The following TNFAIP3 variants were observed in gnomAD, a reference collection of about 807,000 sequenced individuals.
The protein encoded by TNFAIP3 is TNF alpha induced protein 3, also known as tumor necrosis factor alpha-induced protein 3.
In TNFAIP3, 9 loss-of-function variants were observed where a neutral mutation model predicts 72.4. The observed-to-expected ratio is 0.12, with a 90% CI of 0.07 to 0.22. The LOEUF (loss-of-function observed/expected upper bound fraction) is 0.22. TNFAIP3 is among the 10% of genes least tolerant of loss of function. The probability of loss-of-function intolerance (pLI) is 1.00; values close to 1 mark genes in which losing one functional copy is unlikely to be tolerated. For missense variants in TNFAIP3, 833 were observed against 1,018.7 expected (o/e 0.82, Z 2.48); for synonymous variants, 339 against 372.6 (o/e 0.91, Z 1.04).
chr6:137,873,154 TA>T (rs1173656217), intron 2 of TNFAIP3, among the ~76,000 whole-genome samples: 1 of 152,146 alleles, frequency 6.6e-6, no homozygotes, highest in South Asian at 2.1e-4. Flanking sequence ...CTTAAGATTC[TA>T]AAAAAGGAAG....
At chr6:137,880,025 T>TG (rs1454655094) in intron 7 of TNFAIP3, 46 bp from the exon 8 acceptor site, 1 of 1,573,842 alleles carries the variant, frequency 6.4e-7, no homozygotes, top group African/African-American at 1.4e-5. Context: ...TCTGTATCGG[T>TG]GGGGTGACCC....
rs1440253257 is a variant in TNFAIP3 at position 137,878,705 on chromosome 6, G to T, written c.1260G>T (p.Lys420Asn). ...RRQKNQNKLP[K>N]LNSKPGPEGL... ...AAAAGAATCAAAACAAACTCCCAAA[G>T]CTGAACTCCAAGCCGGGCCCTGAGG... The change falls in exon 7 of 9, where the codon AAG becomes AAT. Residue 420 changes from lysine to asparagine, a missense_variant. Coordinates refer to ENST00000612899, the MANE Select transcript of TNFAIP3 (RefSeq NM_001270508.2). 4 of 1,614,100 alleles carry T rather than the reference G, an allele frequency of 2.5e-6. No homozygotes were observed. Among genetic ancestry groups the T allele is most frequent in the Non-Finnish European group, 3.4e-6 (4 of 1,180,026 alleles).
intron 4 of TNFAIP3, 25 bp downstream of exon 4, chr6:137,875,860 C>T (rs1236162788): frequency 1.2e-6 from 2 of 1,613,890 alleles, no homozygotes; most frequent in East Asian, 2.2e-5. Flanking sequence ...GATCACGGAT[C>T]TGTACTTAAA....
At chr6:137,877,023 A>C in intron 5 of TNFAIP3, 53 bp from the exon 6 acceptor site, 23 of 1,301,044 alleles carry the variant, frequency 1.8e-5, no homozygotes, top group Non-Finnish European at 2.1e-5. Flanking sequence ...CTACTTACCT[A>C]TGGCCTTGTT....
rs772273315 is a variant in TNFAIP3, at chr6:137,878,921, C to T, written c.1476C>T (p.Asn492=). 9.9e-6 allele frequency: 16 copies of T among 1,614,096 alleles called. No individual in the cohort carries two copies. Among genetic ancestry groups the T allele is most frequent in the Non-Finnish European group, 1.2e-5 (14 of 1,180,032 alleles). ...GCPFTLNVQH[N]GFCERCHNAR... ...CCTTCACACTGAATGTGCAGCACAACGGATTTTGTGAACGTTGCCACAACG... is the reference window on the plus strand; with the variant it reads ...CCTTCACACTGAATGTGCAGCACAATGGATTTTGTGAACGTTGCCACAACG... Residue 492 remains asparagine, a synonymous_variant, in exon 7 of 9, where the codon AAC becomes AAT. Transcript: ENST00000612899.
chr6:137,869,464 C>G (rs1334913625), intron 1 of TNFAIP3, among the ~76,000 whole-genome samples: 1 of 152,110 alleles, frequency 6.6e-6, no homozygotes, highest in Non-Finnish European at 1.5e-5. Context: ...TTATTTTTAT[C>G]CTGCTATGAT....
Position 137,880,139 on chromosome 6 carries a change from G to C in TNFAIP3, c.1975G>C (p.Gly659Arg). The C allele has an allele frequency of 6.2e-7, 1 of 1,614,136 alleles. No homozygotes were observed. Among genetic ancestry groups the C allele is most frequent in the Non-Finnish European group, 8.5e-7 (1 of 1,180,026 alleles). The change falls in exon 8 of 9, where the codon GGG becomes CGG. Residue 659 changes from glycine to arginine, a missense_variant. Physicochemically the swap from Gly to Arg is moderately radical, Grantham distance 125. Coordinates refer to ENST00000612899, the MANE Select transcript of TNFAIP3 (RefSeq NM_001270508.2). ...GTTCCAGAACACCATTCCGTGCCTG[G>C]GGAGGGAATGCGGCACCCTTGGAAG... The part of the protein sequence containing the change: ...SRFQNTIPCL[G>R]RECGTLGSTM...
At chr6:137,872,550 T>C (rs1364449447) in intron 2 of TNFAIP3, among the ~76,000 whole-genome samples, 1 of 152,140 alleles carries the variant, frequency 6.6e-6, no homozygotes, top group Non-Finnish European at 1.5e-5. Context: ...TAACTTTGGC[T>C]TTTTTTGACT....
chr6:137,879,058 C>A lies in TNFAIP3; in HGVS notation c.1613C>A (p.Thr538Asn). The change falls in exon 7 of 9, where the codon ACT (threonine) becomes AAT (asparagine). Residue 538 changes from threonine (T) to asparagine (N), a missense_variant. Coordinates refer to ENST00000612899, the MANE Select transcript of TNFAIP3 (RefSeq NM_001270508.2). ...AGGACATTTAATGGGATCTGCAGTA[C>A]TTGCTTCAAAAGGACTACAGCAGAG... ...VTRTFNGICS[T>N]CFKRTTAEAS... The A allele has an allele frequency of 6.2e-7, 1 of 1,614,226 alleles. No individual in the cohort carries two copies. Among genetic ancestry groups the A allele is most frequent in the South Asian group, 1.1e-5 (1 of 91,088 alleles).
In TNFAIP3 at chr6:137,871,288, A is replaced by T; in HGVS notation, c.61A>T (p.Ile21Leu). 1.2e-6 allele frequency: 2 copies of T among 1,614,104 alleles called. No homozygotes were observed. Among genetic ancestry groups the T allele is most frequent in the Non-Finnish European group, 8.5e-7 (1 of 1,180,022 alleles). The part of the protein sequence containing the change: ...YLSNMRKAVK[I>L]RERTPEDIFK... ...GAGCAATATGCGGAAAGCTGTGAAGATACGGGAGAGAACTCCAGAAGACAT... is the reference window on the plus strand; with the variant it reads ...GAGCAATATGCGGAAAGCTGTGAAGTTACGGGAGAGAACTCCAGAAGACAT... The change falls in exon 2 of 9, where the codon ATA (isoleucine) becomes TTA (leucine). Residue 21 changes from isoleucine (I) to leucine (L), a missense_variant. By Grantham distance (5) the Ile-to-Leu change is conservative. Coordinates refer to ENST00000612899, the MANE Select transcript of TNFAIP3 (RefSeq NM_001270508.2). The surrounding 1 kb of genome is among the most constrained non-coding windows in gnomAD (Gnocchi z 4.2).
chr6:137,881,602 C>T lies in TNFAIP3; in HGVS notation c.*283C>T, dbSNP rs1776466009. The T allele has an allele frequency of 2.6e-6, 1 of 381,878 alleles. No homozygotes were observed. Among genetic ancestry groups the T allele is most frequent in the Non-Finnish European group, 4.7e-6 (1 of 214,162 alleles). 23.7% of individuals were successfully genotyped at this position (381,878 alleles called of 1,614,324 possible). A position where few individuals can be genotyped will look rare whatever the true frequency, so the allele number is the denominator to read the frequency against. ...CTACCAAGCAGGAGGCCAGGAACTTCTTTGGACTTGGAAGGTGTGCGGGGA... is the reference window on the plus strand; with the variant it reads ...CTACCAAGCAGGAGGCCAGGAACTTTTTTGGACTTGGAAGGTGTGCGGGGA... On this transcript the variant is annotated 3_prime_UTR_variant, in exon 9 of 9. Coordinates refer to ENST00000612899, the MANE Select transcript of TNFAIP3 (RefSeq NM_001270508.2). This position sits in a 1 kb window ranked among gnomAD's most constrained non-coding sequence, Gnocchi z 5.0.
Position 137,871,508 on chromosome 6 carries a change from C to T in TNFAIP3, c.281C>T (p.Ala94Val), listed in dbSNP as rs776714084. The change falls in exon 2 of 9, where the codon GCG becomes GTG. Residue 94 changes from alanine (A) to valine (V), a missense_variant. This residue lies in a region of TNFAIP3 where 246 missense variants were observed against 360.9 expected (regional missense o/e 0.68). Transcript: ENST00000612899. The surrounding 1 kb of genome is among the most constrained non-coding windows in gnomAD (Gnocchi z 4.2). ...TGTCGAGAAGTCCGGAAGCTTGTGGCGCTGAAAACGAACGGTAAGACTTGT... is the reference window on the plus strand; with the variant it reads ...TGTCGAGAAGTCCGGAAGCTTGTGGTGCTGAAAACGAACGGTAAGACTTGT... Reference protein sequence around the residue: ...NWCREVRKLVALKTNGDGNCL... With the variant: ...NWCREVRKLVVLKTNGDGNCL... The T allele has an allele frequency of 9.3e-6, 15 of 1,613,874 alleles. No individual in the cohort carries two copies. The highest frequency in any genetic ancestry group is 2.7e-5 in the African/African-American group (2 of 74,882).
At chr6:137,880,921 G>T in intron 8 of TNFAIP3, 114 bp from the exon 9 acceptor site, 1 of 1,160,152 alleles carries the variant, frequency 8.6e-7, no homozygotes, top group Non-Finnish European at 1.2e-6. Flanking sequence ...GCTCAGGCAG[G>T]TAAAGCTCTT....
chr6:137,876,238 T>G (rs1270809984), intron 5 of TNFAIP3, 72 bp downstream of exon 5: 4 of 1,269,442 alleles, frequency 3.2e-6, no homozygotes, highest in Non-Finnish European at 4.5e-6. Context: ...TTGCTTCTTA[T>G]TAAAACAGTC....
At chr6:137,870,532 T>C (rs1352932360) in intron 1 of TNFAIP3, among the ~76,000 whole-genome samples, 1 of 152,228 alleles carries the variant, frequency 6.6e-6, no homozygotes, top group Non-Finnish European at 1.5e-5. Context: ...GACTTTTTTA[T>C]TGATTAGAAA....
rs1224755980 is a variant in TNFAIP3 at position 137,871,933 on chromosome 6, T to G, written c.295+411T>G. Among the ~76,000 whole-genome samples the G allele has an allele frequency of 1.3e-4, 20 of 152,190 alleles. No homozygotes were observed. The highest frequency in any genetic ancestry group is 1.6e-4 in the Non-Finnish European group (11 of 68,030). On this transcript the variant is annotated intron_variant, in intron 2 of 8. Coordinates refer to ENST00000612899, the MANE Select transcript of TNFAIP3 (RefSeq NM_001270508.2). The surrounding 1 kb of genome is among the most constrained non-coding windows in gnomAD (Gnocchi z 4.2). ...GTAGTACATTTGTTTCCCACTGTCA[T>G]TAGAAAATGCTTGTGATGTTCTTAC...
Position 137,878,720 on chromosome 6 carries a change from G to C in TNFAIP3, c.1275G>C (p.Pro425=), listed in dbSNP as rs373211004. 7 of 1,614,090 alleles carry C rather than the reference G, an allele frequency of 4.3e-6. 1 individual carries two copies. Among genetic ancestry groups the C allele is most frequent in the South Asian group, 3.3e-5 (3 of 91,086 alleles). The change falls in exon 7 of 9, where the codon CCG becomes CCC. Residue 425 remains proline, a synonymous_variant. Transcript: ENST00000612899. Reference sequence around the variant, plus strand: ...AACTCCCAAAGCTGAACTCCAAGCCGGGCCCTGAGGGGCTCCCTGGCATGG... The same window carrying C: ...AACTCCCAAAGCTGAACTCCAAGCCCGGCCCTGAGGGGCTCCCTGGCATGG... The part of the protein sequence containing the change: ...QNKLPKLNSK[P]GPEGLPGMAL...
At position 137,880,231 on chromosome 6, in the gene TNFAIP3, C is replaced by T. The variant is rs1161508319; in HGVS notation, c.2067C>T (p.Ala689=). Residue 689 remains alanine (A), a synonymous_variant, in exon 8 of 9, where the codon GCC becomes GCT. Coordinates refer to ENST00000612899, the MANE Select transcript of TNFAIP3 (RefSeq NM_001270508.2). ...IEAQNQRFHE[A]KRTEEQLRSS... ...CTCAGAATCAGAGATTTCATGAGGC[C>T]AAAAGGACAGAAGAGCAACTGGTGA... 1 of 1,614,094 alleles carries T rather than the reference C, an allele frequency of 6.2e-7. No homozygotes were observed. The highest frequency in any genetic ancestry group is 8.5e-7 in the Non-Finnish European group (1 of 1,180,020).
At chr6:137,879,931 AACATAT>A (rs1776390395) in intron 7 of TNFAIP3, 134 bp from the exon 8 acceptor site, 1 of 643,834 alleles carries the variant, frequency 1.6e-6, no homozygotes, top group East Asian at 2.8e-5. Flanking sequence ...TATAGACTTA[AACATAT>A]ACATATATAT....
Sources: allele counts gnomAD v4.1 joint callset (sites outside exome capture counted in the v4.1 genomes callset), GRCh38; gene constraint gnomAD v4.1.1; regional missense constraint gnomAD v4.1.1; non-coding constraint Gnocchi (gnomAD v3.1); transcripts MANE v1.5; gene names NCBI Gene and HGNC (gene_info 2026-07-23, HGNC 2026-07-21).